KCNQ5: variants seen among roughly 807,000 people sequenced by gnomAD.
KCNQ5 encodes potassium voltage-gated channel subfamily Q member 5, also known as potassium voltage-gated channel subfamily KQT member 5.
KCNQ5 carries 30 observed loss-of-function variants against 98.2 expected under a neutral mutation model. The observed-to-expected ratio is 0.31, with a 90% CI of 0.23 to 0.41. The LOEUF is 0.41. KCNQ5 is among the 10% of genes least tolerant of loss of function. The probability of loss-of-function intolerance (pLI) is 1.00; values close to 1 mark genes in which losing one functional copy is unlikely to be tolerated. For synonymous variants in KCNQ5, 458 were observed against 449.4 expected, an observed-to-expected ratio of 1.02 and a Z score of -0.24; for missense variants, 835 against 1,182.5, an observed-to-expected ratio of 0.71 and a Z score of 4.31.
intron 1 of KCNQ5, among the ~76,000 whole-genome samples, chr6:72,909,575 G>A (rs1779841008): frequency 6.6e-6 from 1 of 152,098 alleles, no homozygotes; most frequent in South Asian, 2.1e-4. Flanking sequence ...CCAGAGCTGG[G>A]GCCTCAAGAA....
intron 1 of KCNQ5, among the ~76,000 whole-genome samples, chr6:72,827,061 C>A (rs1219192745): frequency 1.3e-5 from 2 of 152,042 alleles, no homozygotes; most frequent in South Asian, 2.1e-4. Context: ...GGAATTCATT[C>A]TTTTTATGGC....
At chr6:73,057,560 T>C (rs1034773098) in intron 3 of KCNQ5, among the ~76,000 whole-genome samples, 3 of 151,942 alleles carry the variant, frequency 2.0e-5, no homozygotes, top group Non-Finnish European at 4.4e-5. Context: ...GTGAAAGATC[T>C]CTACAACAAG....
At chr6:72,978,247 T>C (rs1768251363) in intron 1 of KCNQ5, among the ~76,000 whole-genome samples, 1 of 152,266 alleles carries the variant, frequency 6.6e-6, no homozygotes, top group African/African-American at 2.4e-5. Flanking sequence ...TACACTGGTT[T>C]TTTATCACAG....
intron 1 of KCNQ5, among the ~76,000 whole-genome samples, chr6:72,749,758 T>G (rs556880613): frequency 6.6e-6 from 1 of 152,220 alleles, no homozygotes; most frequent in East Asian, 1.9e-4. Context: ...ATTTATGTAA[T>G]CAACTTAGGG....
chr6:72,884,633 T>G (rs1464902808), intron 1 of KCNQ5, among the ~76,000 whole-genome samples: 2 of 138,894 alleles, frequency 1.4e-5, no homozygotes, highest in African/African-American at 5.1e-5. Flanking sequence ...TTTTTTTTTT[T>G]TGAGACAGAG....
chr6:72,803,198 A>G (rs1445816434), intron 1 of KCNQ5, among the ~76,000 whole-genome samples: 1 of 152,186 alleles, frequency 6.6e-6, no homozygotes, highest in Non-Finnish European at 1.5e-5. Context: ...AAAAGAAACA[A>G]TTTCAGAAGT....
At chr6:73,183,700 G>T (rs1275244117) in intron 11 of KCNQ5, among the ~76,000 whole-genome samples, 1 of 152,168 alleles carries the variant, frequency 6.6e-6, no homozygotes, top group African/African-American at 2.4e-5. Context: ...CTTCTATTTT[G>T]ATCATGAAAA....
At chr6:72,935,350 C>T (rs2096184) in intron 1 of KCNQ5, among the ~76,000 whole-genome samples, 1 of 152,106 alleles carries the variant, frequency 6.6e-6, no homozygotes, top group South Asian at 2.1e-4. Flanking sequence ...GGATTACAGG[C>T]GTGAGCCACC....
intron 1 of KCNQ5, among the ~76,000 whole-genome samples, chr6:72,906,681 G>A (rs1779712330): frequency 6.6e-6 from 1 of 152,234 alleles, no homozygotes; most frequent in Admixed American, 6.5e-5. Context: ...CCCCAGTGGG[G>A]ATGTGTGTTC....
At chr6:72,898,268 G>A (rs1047014623) in intron 1 of KCNQ5, among the ~76,000 whole-genome samples, 3 of 152,062 alleles carry the variant, frequency 2.0e-5, no homozygotes, top group African/African-American at 7.2e-5. Context: ...CCGTCAGTGA[G>A]GTTTTAAGCC....
chr6:72,838,085 T>C (rs987948964), intron 1 of KCNQ5, among the ~76,000 whole-genome samples: 3 of 147,914 alleles, frequency 2.0e-5, no homozygotes, highest in African/African-American at 5.0e-5. Context: ...GTATAGCTCC[T>C]AATGCTATCC....
chr6:73,141,233 C>T (rs1158843238), intron 10 of KCNQ5, among the ~76,000 whole-genome samples: 1 of 152,138 alleles, frequency 6.6e-6, no homozygotes, highest in Non-Finnish European at 1.5e-5. Context: ...TTTATGAGGG[C>T]ACTAATCCCA....
At chr6:73,177,429 G>A (rs190540942) in intron 11 of KCNQ5, among the ~76,000 whole-genome samples, 5 of 152,268 alleles carry the variant, frequency 3.3e-5, no homozygotes, top group Admixed American at 3.3e-4. Flanking sequence ...AGGCCTCACT[G>A]TTACCCTGGG....
chr6:73,055,250 T>A, intron 3 of KCNQ5: 1 of 1,287,954 alleles, frequency 7.8e-7, no homozygotes. Context: ...GTTTGACATC[T>A]GCTTCACCTC....
At chr6:72,810,815 C>A (rs1775205069) in intron 1 of KCNQ5, among the ~76,000 whole-genome samples, 1 of 152,126 alleles carries the variant, frequency 6.6e-6, no homozygotes, top group Non-Finnish European at 1.5e-5. Flanking sequence ...ATGTGTTTTT[C>A]ATTCTGACAT....
At chr6:73,007,979 G>A (rs1032280725) in intron 2 of KCNQ5, among the ~76,000 whole-genome samples, 1 of 152,162 alleles carries the variant, frequency 6.6e-6, no homozygotes, top group Admixed American at 6.6e-5. Context: ...TAGGGCTAGA[G>A]ATGTAAAGGA....
chr6:73,114,977 A>G (rs895999932), intron 7 of KCNQ5, among the ~76,000 whole-genome samples: 2 of 152,154 alleles, frequency 1.3e-5, no homozygotes, highest in Admixed American at 6.5e-5. Context: ...CCACTTATAT[A>G]GAGATTTTAC....
At chr6:72,744,497 A>G (rs1472981837) in intron 1 of KCNQ5, among the ~76,000 whole-genome samples, 7 of 152,302 alleles carry the variant, frequency 4.6e-5, no homozygotes, top group Non-Finnish European at 7.4e-5. Context: ...ATAGACAGCT[A>G]TACAAAAGTG....
At chr6:72,633,929 A>G (rs1345695236) in intron 1 of KCNQ5, among the ~76,000 whole-genome samples, 1 of 152,248 alleles carries the variant, frequency 6.6e-6, no homozygotes, top group Non-Finnish European at 1.5e-5. Context: ...AACTAGAAAA[A>G]TCCTAGAAGA....
Sources: gnomAD v4.1 joint callset for allele counts (sites outside exome capture counted in the v4.1 genomes callset) on GRCh38, gnomAD v4.1.1 for gene constraint, MANE v1.5 for transcripts, NCBI Gene and HGNC (gene_info 2026-07-23, HGNC 2026-07-21) for gene names.